SHISA6: variants seen among roughly 807,000 people sequenced by gnomAD.
SHISA6 encodes the protein protein shisa-6.
SHISA6 carries 22 observed loss-of-function variants against 47.9 expected under a neutral mutation model. The ratio of observed to expected loss-of-function variants is 0.46; its 90% confidence interval spans 0.33 to 0.66. The LOEUF is 0.66. Among genes scored for constraint, SHISA6 ranks in the 30% least tolerant of loss-of-function variants. The pLI, the probability that SHISA6 is intolerant of heterozygous loss-of-function variation, is 0.02. For synonymous variants in SHISA6, 388 were observed against 337.8 expected, an observed-to-expected ratio of 1.15 and a Z score of -1.63; for missense variants, 680 against 764.6, an observed-to-expected ratio of 0.89 and a Z score of 1.30.
rs1026876359 is a variant in SHISA6, at chr17:11,354,416, G to A, written c.800-24998G>A. ...TCTGCCACCACACAGGATGGAGGCC[G>A]GATGATGGCAGGGATGCTACCAGGG... is the stretch of plus-strand genomic sequence containing the variant. On this transcript the variant is annotated intron_variant, in intron 2 of 5. Transcript: ENST00000441885. Among the ~76,000 whole-genome samples the A allele has an allele frequency of 6.6e-5, 10 of 152,230 alleles. No homozygotes were observed. In the South Asian group the frequency reaches 1.7e-3, roughly 25 times the overall value.
intron 2 of SHISA6, among the ~76,000 whole-genome samples, chr17:11,301,073 C>T (rs117354358): frequency 0.025 from 3,854 of 152,234 alleles, 74 homozygotes; most frequent in Non-Finnish European, 0.037. Flanking sequence ...CGTGGAGTCC[C>T]GTGCTCAGCT....
intron 2 of SHISA6, among the ~76,000 whole-genome samples, chr17:11,374,465 A>AT (rs58916111): frequency 9.2e-4 from 138 of 150,298 alleles, no homozygotes; most frequent in East Asian, 1.8e-3. Flanking sequence ...TTAGTGTGTG[A>AT]TTTTTTTTTG....
chr17:11,374,958 A>G (rs180734547), intron 2 of SHISA6, among the ~76,000 whole-genome samples: 160 of 152,260 alleles, frequency 1.1e-3, no homozygotes, highest in African/African-American at 3.4e-3. Context: ...TTTCCAGATA[A>G]GAGTGTCCCT....
chr17:11,520,050 A>G (rs2071616323), intron 3 of SHISA6, among the ~76,000 whole-genome samples: 1 of 123,010 alleles, frequency 8.1e-6, no homozygotes, highest in African/African-American at 3.2e-5. Flanking sequence ...TATCTAGGGT[A>G]ATTCATCTAG....
At chr17:11,306,404 C>A (rs545700453) in intron 2 of SHISA6, among the ~76,000 whole-genome samples, 34 of 152,282 alleles carry the variant, frequency 2.2e-4, no homozygotes, top group African/African-American at 7.5e-4. Context: ...TGGGCCACAG[C>A]AATGATGGGC....
At chr17:11,407,655 T>C (rs537816983) in intron 3 of SHISA6, among the ~76,000 whole-genome samples, 1 of 152,286 alleles carries the variant, frequency 6.6e-6, no homozygotes, top group South Asian at 2.1e-4. Flanking sequence ...TGCTTGCTTT[T>C]GGAGATAAGA....
chr17:11,534,160 T>TTC (rs201745460), intron 3 of SHISA6, among the ~76,000 whole-genome samples: 6,577 of 97,364 alleles, frequency 0.068, 141 homozygotes, highest in African/African-American at 0.1. Flanking sequence ...TTTTTTTCTT[T>TTC]TTTTTTTTTT....
At chr17:11,242,177 T>C (rs1035447695) in intron 1 of SHISA6, 117 bp downstream of exon 1, 1 of 1,344,040 alleles carries the variant, frequency 7.4e-7, no homozygotes, top group African/African-American at 1.5e-5. Flanking sequence ...TCTAGTCATT[T>C]CCACCATCGC....
At chr17:11,331,250 A>G (rs113142843) in intron 2 of SHISA6, among the ~76,000 whole-genome samples, 256 of 152,332 alleles carry the variant, frequency 1.7e-3, no homozygotes, top group African/African-American at 5.8e-3. Context: ...GTAACTGAAC[A>G]TAAGACATTC....
chr17:11,326,566 A>G (rs1410329330), intron 2 of SHISA6, among the ~76,000 whole-genome samples: 1 of 152,210 alleles, frequency 6.6e-6, no homozygotes, highest in African/African-American at 2.4e-5. Context: ...TCATAATGAC[A>G]TGGCACCATA....
At chr17:11,504,553 G>A (rs573931533) in intron 3 of SHISA6, among the ~76,000 whole-genome samples, 3 of 152,166 alleles carry the variant, frequency 2.0e-5, no homozygotes, top group Non-Finnish European at 4.4e-5. Context: ...AAGGCATAGA[G>A]TAGGAAAGTA....
intron 3 of SHISA6, among the ~76,000 whole-genome samples, chr17:11,533,587 ATTT>A (rs3038696): frequency 0.22 from 20,422 of 93,858 alleles, 993 homozygotes; most frequent in South Asian, 0.31. Context: ...CCCTTTCATT[ATTT>A]TTTTTTTTTT....
chr17:11,459,068 A>T (rs1403654362), intron 3 of SHISA6, among the ~76,000 whole-genome samples: 1 of 151,722 alleles, frequency 6.6e-6, no homozygotes, highest in Non-Finnish European at 1.5e-5. Context: ...AATGCAAAAA[A>T]ATTAGCTGGG....
At chr17:11,401,303 C>T (rs1310427322) in intron 3 of SHISA6, among the ~76,000 whole-genome samples, 2 of 152,214 alleles carry the variant, frequency 1.3e-5, no homozygotes, top group African/African-American at 4.8e-5. Flanking sequence ...TCAAGTGATC[C>T]TCCCACACCA....
At chr17:11,323,874 C>A (rs75273951) in intron 2 of SHISA6, among the ~76,000 whole-genome samples, 2 of 151,992 alleles carry the variant, frequency 1.3e-5, no homozygotes, top group East Asian at 3.9e-4. Flanking sequence ...CTTTTGTAAA[C>A]AGCTTTATTG....
intron 2 of SHISA6, among the ~76,000 whole-genome samples, chr17:11,369,389 C>T (rs931673067): frequency 6.6e-6 from 1 of 152,342 alleles, no homozygotes; most frequent in Middle Eastern, 3.4e-3. Flanking sequence ...TCCAAAGGCA[C>T]ATGATAAAAT....
intron 1 of SHISA6, among the ~76,000 whole-genome samples, chr17:11,254,545 ACT>A (rs1336590872): frequency 6.6e-6 from 1 of 151,562 alleles, no homozygotes; most frequent in Admixed American, 6.6e-5. Context: ...CATTTTAGTG[ACT>A]CTCTCTTTTG....
intron 3 of SHISA6, among the ~76,000 whole-genome samples, chr17:11,547,758 G>C (rs2071895267): frequency 6.6e-6 from 1 of 152,116 alleles, no homozygotes; most frequent in Admixed American, 6.5e-5. Context: ...TGTATAAGAG[G>C]TAATTCTGTG....
At position 11,430,236 on chromosome 17, in the gene SHISA6, T is replaced by G. The variant is rs138188685; in HGVS notation, c.895+50727T>G. ...GAACGTTTCTGGTTCTCCCCACTCT[T>G]GAGTCCATAGGAGAACTGCAGTTTC... is the stretch of plus-strand genomic sequence containing the variant. On this transcript the variant is annotated intron_variant, in intron 3 of 5. Transcript: ENST00000441885. 1.2e-4 allele frequency among the ~76,000 whole-genome samples: 19 copies of G among 152,300 alleles called. No individual in the cohort carries two copies. In the East Asian group the frequency reaches 3.7e-3, roughly 29 times the overall value.
Sources: allele counts gnomAD v4.1 joint callset (sites outside exome capture counted in the v4.1 genomes callset), GRCh38; gene constraint gnomAD v4.1.1; transcripts MANE v1.5; gene names NCBI Gene and HGNC (gene_info 2026-07-23, HGNC 2026-07-21).